GIGYF2: variants seen among roughly 807,000 people sequenced by gnomAD.
GIGYF2 encodes GRB10 interacting GYF protein 2.
In GIGYF2, 25 loss-of-function variants were observed where a neutral mutation model predicts 208.1. That is an observed-to-expected ratio of 0.12 (90% CI 0.09 to 0.17). GIGYF2 has a LOEUF of 0.17. Ranked by LOEUF, GIGYF2 falls within the 10% of genes least tolerant of loss-of-function variation. The pLI is 1.00. For missense variants in GIGYF2, 1,302 were observed against 1,579.4 expected (o/e 0.82, Z 2.98); for synonymous variants, 534 against 543.8 (o/e 0.98, Z 0.25).
chr2:232,756,270 A>G lies in GIGYF2; in HGVS notation c.315A>G (p.Thr105=). 6.3e-7 allele frequency: 1 copy of G among 1,586,898 alleles called. No homozygotes were observed. The highest frequency in any genetic ancestry group is 1.1e-5 in the South Asian group (1 of 87,434). The change falls in exon 6 of 29, where the codon ACA becomes ACG. Residue 105 remains threonine (T), a synonymous_variant. Coordinates refer to ENST00000373563, the MANE Select transcript of GIGYF2 (RefSeq NM_001103146.3). ...SVNSAAVLRL[T]GRGGGGTVVG... is the part of the protein sequence containing the mutation. ...ATAGTGCTGCTGTCCTGCGATTGAC[A>G]GGACGAGGAGGAGGAGGAACAGTGG...
intron 2 of GIGYF2, among the ~76,000 whole-genome samples, chr2:232,723,773 C>T (rs1697054650): frequency 8.6e-6 from 1 of 116,306 alleles, no homozygotes; most frequent in Admixed American, 1.1e-4. Context: ...GCTCTTGTTG[C>T]CCAGGCTGGA....
In GIGYF2 at chr2:232,747,740, A is replaced by G. The variant is rs72554080; in HGVS notation, c.167A>G (p.Asn56Ser). The change falls in exon 4 of 29, where the codon AAC (asparagine) becomes AGC (serine). Residue 56 changes from asparagine to serine, a missense_variant. This residue lies in a region of GIGYF2 where 189 missense variants were observed against 257.7 expected (regional missense o/e 0.73). Coordinates refer to ENST00000373563, the MANE Select transcript of GIGYF2 (RefSeq NM_001103146.3). ...EEMLALFLKDNKIPSDLLDKE... is the reference protein window; with the variant it reads ...EEMLALFLKDSKIPSDLLDKE... The stretch of plus-strand genomic sequence containing the variant: ...ATGTTAGCACTTTTCCTTAAAGACA[A>G]CAAGGTAAGAAAGTAGGAAAAGAGT... 620 of 1,613,654 alleles carry G rather than the reference A, an allele frequency of 3.8e-4. No individual in the cohort carries two copies. Among genetic ancestry groups the G allele is most frequent in the Non-Finnish European group, 5.0e-4 (584 of 1,179,734 alleles).
At chr2:232,824,540 GC>G (rs1465155695) in intron 21 of GIGYF2, among the ~76,000 whole-genome samples, 1 of 152,192 alleles carries the variant, frequency 6.6e-6, no homozygotes, top group Non-Finnish European at 1.5e-5. Flanking sequence ...TTCTGTGAAA[GC>G]CGAGAGAGGT....
At chr2:232,830,534 G>A (rs1701398083) in intron 21 of GIGYF2, among the ~76,000 whole-genome samples, 1 of 152,068 alleles carries the variant, frequency 6.6e-6, no homozygotes, top group African/African-American at 2.4e-5. Flanking sequence ...CTTGCACACA[G>A]TTTCCCCTGC....
At chr2:232,788,349 C>A in intron 9 of GIGYF2, 1 of 211,850 alleles carries the variant, frequency 4.7e-6, no homozygotes, top group Non-Finnish European at 1.0e-5. Context: ...TCATGGCTGC[C>A]TCTTGGGTGG....
At chr2:232,785,522 A>T (rs1699882560) in intron 8 of GIGYF2, among the ~76,000 whole-genome samples, 1 of 152,212 alleles carries the variant, frequency 6.6e-6, no homozygotes, top group African/African-American at 2.4e-5. Context: ...AGTGTCCAAG[A>T]TGGAAACTAC....
intron 21 of GIGYF2, among the ~76,000 whole-genome samples, chr2:232,830,447 G>A (rs888826977): frequency 4.6e-5 from 7 of 151,544 alleles, no homozygotes; most frequent in African/African-American, 1.7e-4. Context: ...TTTTTTTATT[G>A]GTAGACTTTA....
At chr2:232,853,467 G>C (rs186461769) in intron 28 of GIGYF2, among the ~76,000 whole-genome samples, 46 of 152,282 alleles carry the variant, frequency 3.0e-4, no homozygotes, top group Admixed American at 1.3e-3. Context: ...TAGAGATGGG[G>C]TTTCACCATG....
At chr2:232,814,567 C>CCG (rs1553616921) in intron 18 of GIGYF2, among the ~76,000 whole-genome samples, 1 of 114,864 alleles carries the variant, frequency 8.7e-6, no homozygotes, top group African/African-American at 3.2e-5. Flanking sequence ...CACCTCAAAC[C>CCG]CCCCCCCCCC....
At position 232,735,244 on chromosome 2, in the gene GIGYF2, T is replaced by C; in HGVS notation, c.41+6T>C. 6.3e-7 allele frequency: 1 copy of C among 1,593,274 alleles called. No individual in the cohort carries two copies. Among genetic ancestry groups the C allele is most frequent in the Non-Finnish European group, 8.6e-7 (1 of 1,161,102 alleles). ...CTGAACTTTGGGCCTGAATGGTGAG[T>C]TTTCAAAATCTCATCTTCTTTGATA... On this transcript the variant is annotated splice_donor_region_variant and intron_variant, in intron 3 of 28. Transcript: ENST00000373563.
At chr2:232,831,003 A>G (rs1701411295) in intron 21 of GIGYF2, among the ~76,000 whole-genome samples, 1 of 152,122 alleles carries the variant, frequency 6.6e-6, no homozygotes, top group African/African-American at 2.4e-5. Context: ...ATTTATCTGA[A>G]GTTTTTCTCA....
intron 2 of GIGYF2, among the ~76,000 whole-genome samples, chr2:232,712,913 G>A (rs1360853859): frequency 2.0e-5 from 3 of 152,134 alleles, no homozygotes; most frequent in African/African-American, 4.8e-5. Context: ...ATAAGAGTTT[G>A]TTTATAAGTT....
intron 3 of GIGYF2, among the ~76,000 whole-genome samples, chr2:232,744,302 A>G (rs1018506735): frequency 3.9e-5 from 6 of 152,216 alleles, no homozygotes; most frequent in African/African-American, 1.4e-4. Context: ...GGCCATGAGA[A>G]GGAGTCTTTG....
At chr2:232,789,967 AG>A (rs1050996172) in intron 9 of GIGYF2, among the ~76,000 whole-genome samples, 10 of 152,068 alleles carry the variant, frequency 6.6e-5, no homozygotes, top group African/African-American at 2.2e-4. Context: ...ATGAGAAAGA[AG>A]GGAGAGGAGT....
intron 26 of GIGYF2, 28 bp downstream of exon 26, chr2:232,845,914 T>A (rs962777545): frequency 9.6e-6 from 14 of 1,462,400 alleles, no homozygotes; most frequent in Non-Finnish European, 1.3e-5. Flanking sequence ...AAACCCGGCA[T>A]GTGGAATGAC....
intron 2 of GIGYF2, among the ~76,000 whole-genome samples, chr2:232,717,526 A>G (rs1696743584): frequency 6.6e-6 from 1 of 152,152 alleles, no homozygotes; most frequent in Admixed American, 6.5e-5. Flanking sequence ...CTTTCCTGAC[A>G]TCTATCACCA....
intron 8 of GIGYF2, among the ~76,000 whole-genome samples, chr2:232,776,195 G>A (rs1574869676): frequency 6.6e-6 from 1 of 151,338 alleles, no homozygotes; most frequent in African/African-American, 2.4e-5. Flanking sequence ...CTGATATATT[G>A]TAATAGAAAA....
chr2:232,730,202 A>C, intron 2 of GIGYF2: 1 of 1,343,470 alleles, frequency 7.4e-7, no homozygotes, highest in Non-Finnish European at 1.1e-6. Context: ...AATCCATGGC[A>C]TCAGCTGTAC....
intron 8 of GIGYF2, chr2:232,771,413 GT>G: frequency 1.5e-6 from 2 of 1,319,730 alleles, no homozygotes; most frequent in African/African-American, 1.5e-5. Flanking sequence ...GCTCTTAACT[GT>G]TTTATAGTTA....
Sources: gnomAD v4.1 joint callset for allele counts (sites outside exome capture counted in the v4.1 genomes callset) on GRCh38, gnomAD v4.1.1 for gene constraint, gnomAD v4.1.1 regional missense constraint, MANE v1.5 for transcripts, NCBI Gene and HGNC (gene_info 2026-07-23, HGNC 2026-07-21) for gene names.